Variants in DNMT3A observed in about 807,000 individuals in gnomAD.
The protein encoded by DNMT3A is DNA methyltransferase 3 alpha, also known as DNA (cytosine-5)-methyltransferase 3A.
Under a neutral mutation model 117.6 loss-of-function variants are expected in DNMT3A, and 267 were observed. The ratio of observed to expected loss-of-function variants is 2.27; its 90% CI spans 2.05 to 2.51. The LOEUF is 2.51. Among genes scored for constraint, DNMT3A ranks in the 30% most tolerant of loss-of-function variants. DNMT3A has a pLI of 0.00. For missense variants in DNMT3A, 1,029 were observed against 1,260.2 expected (o/e 0.82, Z 2.78); for synonymous variants, 432 against 474.8 (o/e 0.91, Z 1.17).
At position 25,264,136 on chromosome 2, in the gene DNMT3A, T is replaced by TTTTTTTTTTTTG. The variant is rs2029977362; in HGVS notation, c.639+10804_639+10805insCAAAAAAAAAAA. ...TAAAGGCTGGACAACCCTTTGGTTT[T>TTTTTTTTTTTTG]TTTTTTTTTTTTTTTTTTTTTGAGA... On this transcript the variant is annotated intron_variant, in intron 6 of 22. Coordinates refer to ENST00000321117, the MANE Select transcript of DNMT3A (RefSeq NM_022552.5). Among the ~76,000 whole-genome samples the TTTTTTTTTTTTG allele has an allele frequency of 8.0e-5, 10 of 124,950 alleles. 1 individual carries two copies. The highest frequency in any genetic ancestry group is 2.3e-4 in the East Asian group (1 of 4,258). 82.0% of individuals were successfully genotyped at this position (124,950 alleles called of 152,430 possible). A position where few individuals can be genotyped will look rare whatever the true frequency, so the allele number is the denominator to read the frequency against.
chr2:25,263,625 C>G (rs1676789247), intron 6 of DNMT3A, among the ~76,000 whole-genome samples: 1 of 152,160 alleles, frequency 6.6e-6, no homozygotes, highest in African/African-American at 2.4e-5. Context: ...ATCCCACGGC[C>G]TCCCTGACAA....
At position 25,232,924 on chromosome 2, in the gene DNMT3A, G is replaced by T; in HGVS notation, c.*1355C>A. 4.3e-6 allele frequency: 1 copy of T among 231,184 alleles called. No homozygotes were observed. Among genetic ancestry groups the T allele is most frequent in the Non-Finnish European group, 8.6e-6 (1 of 116,674 alleles). The allele number at this position is 231,184 out of a possible 1,614,324, so 14.3% of individuals were successfully genotyped here. A position where few individuals can be genotyped will look rare whatever the true frequency, so the allele number is the denominator to read the frequency against. ...CCTTGTGCACAGAGGGGTGGATGGT[G>T]GGGGCCTCATAAAAGAACACACAAA... On this transcript the variant is annotated 3_prime_UTR_variant, in exon 23 of 23. Coordinates refer to ENST00000321117, the MANE Select transcript of DNMT3A (RefSeq NM_022552.5). This position sits in a 1 kb window ranked among gnomAD's most constrained non-coding sequence, Gnocchi z 4.1.
intron 1 of DNMT3A, among the ~76,000 whole-genome samples, chr2:25,334,234 T>A (rs1381072798): frequency 6.6e-6 from 1 of 152,136 alleles, no homozygotes; most frequent in Non-Finnish European, 1.5e-5. Context: ...AGCCCTGAGC[T>A]TCCTGGGGTA....
rs1674757969 is a variant in DNMT3A, at chr2:25,246,277, C to G, written c.1312G>C (p.Asp438His). 1 of 1,613,436 alleles carries G rather than the reference C, an allele frequency of 6.2e-7. No individual in the cohort carries two copies. Among genetic ancestry groups the G allele is most frequent in the South Asian group, 1.1e-5 (1 of 90,972 alleles). The change falls in exon 11 of 23, where the codon GAC (aspartate) becomes CAC (histidine). Residue 438 changes from aspartate (D) to histidine (H), a missense_variant. Asp to His is a moderately conservative substitution (Grantham distance 81, BLOSUM62 -1). Coordinates refer to ENST00000321117, the MANE Select transcript of DNMT3A (RefSeq NM_022552.5). ...EKNPYKEVYT[D>H]MWVEPEAAAY... Reference sequence around the variant, plus strand: ...GCTGCCTCAGGTTCCACCCACATGTCCGTGTACACTTCTTTGTAGGGATTC... The same window carrying G: ...GCTGCCTCAGGTTCCACCCACATGTGCGTGTACACTTCTTTGTAGGGATTC...
At chr2:25,301,141 C>G (rs937138389) in intron 2 of DNMT3A, among the ~76,000 whole-genome samples, 1 of 151,512 alleles carries the variant, frequency 6.6e-6, no homozygotes. Context: ...TGGTGGCACG[C>G]GCCTGTAGTC....
intron 2 of DNMT3A, among the ~76,000 whole-genome samples, chr2:25,300,707 AAT>A (rs1477973461): frequency 1.7e-5 from 1 of 57,860 alleles, no homozygotes; most frequent in Non-Finnish European, 3.2e-5. Context: ...ATATCTAAAT[AAT>A]ATAATATATA....
chr2:25,237,016 G>C lies in DNMT3A; in HGVS notation c.2409-11C>G. 1 of 1,613,328 alleles carries C rather than the reference G, an allele frequency of 6.2e-7. No homozygotes were observed. On this transcript the variant is annotated splice_polypyrimidine_tract_variant and intron_variant, in intron 20 of 22. Transcript: ENST00000321117. This position sits in a 1 kb window ranked among gnomAD's most constrained non-coding sequence, Gnocchi z 5.4. ...GTGGATGCCAACGGCCTAGGAGGCA[G>C]AAGAGAGACTGTAACAACAGAAACC... is the stretch of plus-strand genomic sequence containing the variant.
At position 25,296,707 on chromosome 2, in the gene DNMT3A, G is replaced by A. The variant is rs957577840; in HGVS notation, c.177+3432C>T. On this transcript the variant is annotated intron_variant, in intron 3 of 22. Coordinates refer to ENST00000321117, the MANE Select transcript of DNMT3A (RefSeq NM_022552.5). The surrounding 1 kb of genome is among the most constrained non-coding windows in gnomAD (Gnocchi z 4.2). The stretch of plus-strand genomic sequence containing the variant: ...AAGGGGCAGGTGGAGTCTGGTTTGG[G>A]TGAGGGCAATGCCAGGGGGCAGAAG... 6.6e-6 allele frequency among the ~76,000 whole-genome samples: 1 copy of A among 152,220 alleles called. No individual in the cohort carries two copies. Among genetic ancestry groups the A allele is most frequent in the Non-Finnish European group, 1.5e-5 (1 of 68,040 alleles).
Position 25,234,172 on chromosome 2 carries a change from T to C in DNMT3A, c.*107A>G. 6.8e-7 allele frequency: 1 copy of C among 1,477,500 alleles called. No individual in the cohort carries two copies. Among genetic ancestry groups the C allele is most frequent in the Non-Finnish European group, 9.0e-7 (1 of 1,105,854 alleles). 91.5% of individuals were successfully genotyped at this position (1,477,500 alleles called of 1,614,324 possible). The stretch of plus-strand genomic sequence containing the variant: ...TTTAAATTCCTTTTTCTCTTCTGGG[T>C]GCTGATACTTCTCTCCATCCTCATG... On this transcript the variant is annotated 3_prime_UTR_variant, in exon 23 of 23. Coordinates refer to ENST00000321117, the MANE Select transcript of DNMT3A (RefSeq NM_022552.5). This position sits in a 1 kb window ranked among gnomAD's most constrained non-coding sequence, Gnocchi z 4.5.
intron 6 of DNMT3A, among the ~76,000 whole-genome samples, chr2:25,269,502 C>T (rs1188567744): frequency 1.3e-5 from 2 of 152,156 alleles, no homozygotes; most frequent in Non-Finnish European, 2.9e-5. Context: ...AAGGAAGGAG[C>T]ATGGCAATGT....
At chr2:25,287,839 C>CT (rs112621064) in intron 3 of DNMT3A, among the ~76,000 whole-genome samples, 101 of 145,340 alleles carry the variant, frequency 6.9e-4, no homozygotes, top group Middle Eastern at 3.6e-3. Flanking sequence ...CAAAGGAACA[C>CT]TTTTTTTTTT....
At position 25,313,954 on chromosome 2, in the gene DNMT3A, C is replaced by T. The variant is rs2034257910; in HGVS notation, c.31G>A (p.Asp11Asn). ...CGCTCCGCAGCAGAGCTGCTGGTGTCCCCGGGGCCGCTGGAGGGCATGGCG... is the reference window on the plus strand; with the variant it reads ...CGCTCCGCAGCAGAGCTGCTGGTGTTCCCGGGGCCGCTGGAGGGCATGGCG... MPAMPSSGPG[D>N]TSSSAAEREE... The change falls in exon 2 of 23, where the codon GAC (aspartate) becomes AAC (asparagine). Residue 11 changes from aspartate to asparagine, a missense_variant. Asp to Asn is a conservative substitution (Grantham distance 23). Transcript: ENST00000321117. 1.9e-6 allele frequency: 3 copies of T among 1,549,162 alleles called. No homozygotes were observed. The highest frequency in any genetic ancestry group is 2.6e-6 in the Non-Finnish European group (3 of 1,146,418).
intron 13 of DNMT3A, 54 bp from the exon 14 acceptor site, chr2:25,244,706 A>G (rs551820921): frequency 6.6e-7 from 1 of 1,510,770 alleles, no homozygotes; most frequent in Admixed American, 1.7e-5. Flanking sequence ...CAGGACGGCC[A>G]GGACGAAGGG....
rs1389449985 is a variant in DNMT3A, at chr2:25,282,783, G to A, written c.178-72C>T. The A allele has an allele frequency of 1.8e-5, 26 of 1,461,586 alleles. No homozygotes were observed. The highest frequency in any genetic ancestry group is 9.9e-5 in the East Asian group (4 of 40,294). 90.5% of individuals were successfully genotyped at this position (1,461,586 alleles called of 1,614,324 possible). A position where few individuals can be genotyped will look rare whatever the true frequency, so the allele number is the denominator to read the frequency against. On this transcript the variant is annotated intron_variant, in intron 3 of 22. Transcript: ENST00000321117. This position sits in a 1 kb window ranked among gnomAD's most constrained non-coding sequence, Gnocchi z 5.2. Reference sequence around the variant, plus strand: ...CTTAGCCTGTTTTGGATCATTGACCGCTCTGAAATTCTAGAGAATGTTATG... The same window carrying A: ...CTTAGCCTGTTTTGGATCATTGACCACTCTGAAATTCTAGAGAATGTTATG...
intron 14 of DNMT3A, 61 bp downstream of exon 14, chr2:25,244,479 G>T: frequency 1.3e-6 from 2 of 1,592,144 alleles, no homozygotes; most frequent in Non-Finnish European, 1.7e-6. Flanking sequence ...GAGGGGAGGC[G>T]GTGGGCGGCG....
chr2:25,261,214 G>A (rs1222478368), intron 6 of DNMT3A, among the ~76,000 whole-genome samples: 1 of 151,598 alleles, frequency 6.6e-6, no homozygotes. Flanking sequence ...TGAGGTGGGT[G>A]GATCATCTGA....
In DNMT3A at chr2:25,240,376, G is replaced by C; in HGVS notation, c.2248C>G (p.Pro750Ala). 6.2e-7 allele frequency: 1 copy of C among 1,614,132 alleles called. No homozygotes were observed. The highest frequency in any genetic ancestry group is 8.5e-7 in the Non-Finnish European group (1 of 1,180,002). Residue 750 changes from proline to alanine, a missense_variant, in exon 19 of 23, where the codon CCC becomes GCC. By Grantham distance (27) the Pro-to-Ala change is conservative. Transcript: ENST00000321117. ...DARPKEGDDR[P>A]FFWLFENVVA... Reference sequence around the variant, plus strand: ...ACATTCTCAAAGAGCCAGAAGAAGGGGCGATCATCTCCCTCCTTGGGCCGC... The same window carrying C: ...ACATTCTCAAAGAGCCAGAAGAAGGCGCGATCATCTCCCTCCTTGGGCCGC...
chr2:25,340,270 C>G (rs2035364872), intron 1 of DNMT3A, among the ~76,000 whole-genome samples: 1 of 152,162 alleles, frequency 6.6e-6, no homozygotes, highest in Admixed American at 6.5e-5. Context: ...GGCACTGCTC[C>G]CCGCCCAGGG....
At chr2:25,248,386 C>T in intron 6 of DNMT3A, 134 bp from the exon 7 acceptor site, 1 of 939,834 alleles carries the variant, frequency 1.1e-6, no homozygotes, top group South Asian at 1.6e-5. Flanking sequence ...AGCCAACCAG[C>T]TGCCTTGCCG....
Sources: gnomAD v4.1 joint callset for allele counts (sites outside exome capture counted in the v4.1 genomes callset) on GRCh38, gnomAD v4.1.1 for gene constraint, Gnocchi (gnomAD v3.1) non-coding constraint, MANE v1.5 for transcripts, NCBI Gene and HGNC (gene_info 2026-07-23, HGNC 2026-07-21) for gene names.